The following C1QTNF1 variants were observed in gnomAD, a reference collection of about 807,000 sequenced individuals.
The protein encoded by C1QTNF1 is complement C1q tumor necrosis factor-related protein 1.
In C1QTNF1, 22 loss-of-function variants were observed where a neutral mutation model predicts 27.8. The ratio of observed to expected loss-of-function variants is 0.79; its 90% CI spans 0.56 to 1.13. The LOEUF (loss-of-function observed/expected upper bound fraction) is 1.13, where lower values mean the gene tolerates loss of function less well. C1QTNF1 is among the 50% of genes most tolerant of loss of function. C1QTNF1 has a pLI of 0.00. For synonymous variants in C1QTNF1, 166 were observed against 154.3 expected (o/e 1.08, Z -0.56); for missense variants, 373 against 380.2 (o/e 0.98, Z 0.16).
chr17:79,026,407 A>T (rs998440209), intron 1 of C1QTNF1, among the ~76,000 whole-genome samples: 1 of 152,118 alleles, frequency 6.6e-6, no homozygotes, highest in Admixed American at 6.5e-5. Context: ...ACCCGCTTCA[A>T]CCTTCCAAAG....
intron 1 of C1QTNF1, among the ~76,000 whole-genome samples, chr17:79,032,477 A>G (rs771309203): frequency 1.5e-4 from 23 of 152,132 alleles, no homozygotes; most frequent in Non-Finnish European, 2.9e-4. Context: ...GGTGGCATTC[A>G]GATTTGCGTT....
chr17:79,043,527 T>C (rs1486164891), intron 1 of C1QTNF1: 7 of 441,022 alleles, frequency 1.6e-5, no homozygotes, highest in Admixed American at 1.4e-4. Flanking sequence ...TGTATGCATG[T>C]GTGTAGGTTT....
rs1568056694 is a variant in C1QTNF1 at position 79,024,514 on chromosome 17, G to T, written c.-15+20G>T. ...ACGGAGGTAGGTGGCCGGGCCGGGG[G>T]ACCCAGCGCTGCCCCGCCCCATCCT... On this transcript the variant is annotated intron_variant, in intron 1 of 3. Coordinates refer to ENST00000579760, the MANE Select transcript of C1QTNF1 (RefSeq NM_030968.5). 1 of 152,320 alleles carries T rather than the reference G, an allele frequency of 6.6e-6. No homozygotes were observed. Among genetic ancestry groups the T allele is most frequent in the Non-Finnish European group, 1.5e-5 (1 of 68,160 alleles). 9.4% of individuals were successfully genotyped at this position (152,320 alleles called of 1,614,324 possible). A position where few individuals can be genotyped will look rare whatever the true frequency, so the allele number is the denominator to read the frequency against.
chr17:79,026,493 G>A (rs2071966281), intron 1 of C1QTNF1, among the ~76,000 whole-genome samples: 1 of 152,166 alleles, frequency 6.6e-6, no homozygotes, highest in South Asian at 2.1e-4. Flanking sequence ...CTGGTGTTGG[G>A]AACATGGCAC....
rs1442566885 is a variant in C1QTNF1, at chr17:79,047,890, G to A, written c.648G>A (p.Glu216=). ...ACCTGCACATCATGAAGAACGAGGA[G>A]GAGGTGGTGATCTTGTTCGCGCAGG... ...ETYLHIMKNE[E]EVVILFAQVG... Residue 216 remains glutamate (E), a synonymous_variant, in exon 4 of 4, where the codon GAG becomes GAA. Coordinates refer to ENST00000579760, the MANE Select transcript of C1QTNF1 (RefSeq NM_030968.5). 6.2e-7 allele frequency: 1 copy of A among 1,614,100 alleles called. No homozygotes were observed. The highest frequency in any genetic ancestry group is 8.5e-7 in the Non-Finnish European group (1 of 1,180,042).
intron 1 of C1QTNF1, among the ~76,000 whole-genome samples, chr17:79,030,606 T>C (rs1000794359): frequency 6.6e-6 from 1 of 151,496 alleles, no homozygotes; most frequent in African/African-American, 2.4e-5. Context: ...TTTTCTTTTC[T>C]TTTTCTTTTT....
chr17:79,033,761 A>G (rs2072195500), intron 1 of C1QTNF1, among the ~76,000 whole-genome samples: 1 of 152,054 alleles, frequency 6.6e-6, no homozygotes. Flanking sequence ...GAGCTGAGGA[A>G]CAGCCTGGGA....
Position 79,048,393 on chromosome 17 carries a change from G to A in C1QTNF1, c.*305G>A, listed in dbSNP as rs111475757. 8.6e-3 allele frequency: 2,965 copies of A among 344,182 alleles called. 19 individuals are homozygous for A. Among genetic ancestry groups the A allele is most frequent in the Non-Finnish European group, 0.013 (2,458 of 190,854 alleles). 21.3% of individuals were successfully genotyped at this position (344,182 alleles called of 1,614,324 possible). On this transcript the variant is annotated 3_prime_UTR_variant, in exon 4 of 4. Coordinates refer to ENST00000579760, the MANE Select transcript of C1QTNF1 (RefSeq NM_030968.5). ...ACGCGGGTGGCGGCAGGGCGTCCCA[G>A]GGTGCGGCACCGCGGCTCCAGTCCT...
intron 1 of C1QTNF1, among the ~76,000 whole-genome samples, chr17:79,029,925 G>C (rs939585205): frequency 6.6e-6 from 1 of 152,212 alleles, no homozygotes; most frequent in Non-Finnish European, 1.5e-5. Context: ...CCAGCTCCCT[G>C]CTGGGTAGGT....
chr17:79,044,164 TG>T (rs1568070297), intron 2 of C1QTNF1, 41 bp downstream of exon 2: 1 of 1,539,170 alleles, frequency 6.5e-7, no homozygotes, highest in Admixed American at 2.0e-5. Context: ...GCTCTGGCTC[TG>T]GCCAGGCTGA....
At chr17:79,029,092 G>A (rs146407801) in intron 1 of C1QTNF1, among the ~76,000 whole-genome samples, 4 of 152,172 alleles carry the variant, frequency 2.6e-5, no homozygotes, top group African/African-American at 7.2e-5. Context: ...GTGGGCACTC[G>A]GTAATCCTCT....
At chr17:79,043,880 C>T in intron 1 of C1QTNF1, 75 bp from the exon 2 acceptor site, 1 of 1,550,618 alleles carries the variant, frequency 6.4e-7, no homozygotes, top group South Asian at 1.1e-5. Flanking sequence ...TGTTTCTCTC[C>T]CCAATTTTCA....
chr17:79,029,142 TC>T (rs1289419793), intron 1 of C1QTNF1, among the ~76,000 whole-genome samples: 2 of 152,126 alleles, frequency 1.3e-5, no homozygotes, highest in Non-Finnish European at 2.9e-5. Flanking sequence ...CTGGATACAG[TC>T]CTCGAAGCCA....
intron 1 of C1QTNF1, among the ~76,000 whole-genome samples, chr17:79,041,352 T>C (rs1267852202): frequency 2.0e-5 from 3 of 151,962 alleles, no homozygotes; most frequent in African/African-American, 7.3e-5. Flanking sequence ...GGAGAGAGGT[T>C]CGGGGGGGCC....
Position 79,044,115 on chromosome 17 carries a change from T to G in C1QTNF1, c.147T>G (p.His49Gln). ...AGGAGCTGCCGTCGCCTCCGGACCA[T>G]GCCGAGAGGTGAGGGGCCACGAGGG... ...GTEELPSPPD[H>Q]AERAEEQHEK... Residue 49 changes from histidine to glutamine, a missense_variant, in exon 2 of 4, where the codon CAT (histidine) becomes CAG (glutamine). His to Gln is a conservative substitution (Grantham distance 24, BLOSUM62 0). Coordinates refer to ENST00000579760, the MANE Select transcript of C1QTNF1 (RefSeq NM_030968.5). 1 of 1,607,398 alleles carries G rather than the reference T, an allele frequency of 6.2e-7. No homozygotes were observed. Among genetic ancestry groups the G allele is most frequent in the Non-Finnish European group, 8.5e-7 (1 of 1,176,034 alleles).
At chr17:79,042,126 G>A (rs1193974343) in intron 1 of C1QTNF1, among the ~76,000 whole-genome samples, 2 of 152,188 alleles carry the variant, frequency 1.3e-5, no homozygotes, top group African/African-American at 2.4e-5. Flanking sequence ...GTGTTCCCAC[G>A]GGGCCTGCGA....
intron 1 of C1QTNF1, among the ~76,000 whole-genome samples, chr17:79,041,555 A>G (rs936817344): frequency 6.6e-6 from 1 of 152,152 alleles, no homozygotes; most frequent in Non-Finnish European, 1.5e-5. Context: ...AGGTGGGTGG[A>G]TCACTTGAGG....
At position 79,049,086 on chromosome 17, in the gene C1QTNF1, C is replaced by T. The variant is rs1034648604; in HGVS notation, c.*998C>T. The T allele has an allele frequency of 2.6e-5, 4 of 152,282 alleles. No individual in the cohort carries two copies. Among genetic ancestry groups the T allele is most frequent in the Non-Finnish European group, 5.9e-5 (4 of 68,100 alleles). The allele number at this position is 152,282 out of a possible 1,614,324, so 9.4% of individuals were successfully genotyped here. A position where few individuals can be genotyped will look rare whatever the true frequency, so the allele number is the denominator to read the frequency against. ...GCAGCACTGCAGTCTCCCATCTCCT[C>T]GTGGGCTAAGCATCACCGCTTCCAC... On this transcript the variant is annotated 3_prime_UTR_variant, in exon 4 of 4. Coordinates refer to ENST00000579760, the MANE Select transcript of C1QTNF1 (RefSeq NM_030968.5). The surrounding 1 kb of genome is among the most constrained non-coding windows in gnomAD (Gnocchi z 4.4).
rs186367352 is a variant in C1QTNF1, at chr17:79,036,873, G to T, written c.-14-7082G>T. Among the ~76,000 whole-genome samples, 155 of 152,292 alleles carry T rather than the reference G, an allele frequency of 1.0e-3. 3 individuals are homozygous for T. The highest frequency in any genetic ancestry group is 3.6e-3 in the African/African-American group (150 of 41,552). On this transcript the variant is annotated intron_variant, in intron 1 of 3. Coordinates refer to ENST00000579760, the MANE Select transcript of C1QTNF1 (RefSeq NM_030968.5). Reference sequence around the variant, plus strand: ...CTGCCAAGGCTCCTTCCAATTCAAGGAGATTATAGGCTTCTTGCCTCTCAG... The same window carrying T: ...CTGCCAAGGCTCCTTCCAATTCAAGTAGATTATAGGCTTCTTGCCTCTCAG...
Sources: allele counts gnomAD v4.1 joint callset (sites outside exome capture counted in the v4.1 genomes callset), GRCh38; gene constraint gnomAD v4.1.1; non-coding constraint Gnocchi (gnomAD v3.1); transcripts MANE v1.5; gene names NCBI Gene and HGNC (gene_info 2026-07-23, HGNC 2026-07-21).